Variants in DRAXIN observed in about 807,000 individuals in gnomAD.
The protein encoded by DRAXIN is dorsal repulsive axon guidance protein.
DRAXIN carries 27 observed loss-of-function variants against 33.9 expected under a neutral mutation model. The ratio of observed to expected loss-of-function variants is 0.80; its 90% CI spans 0.59 to 1.10. The LOEUF (loss-of-function observed/expected upper bound fraction) is 1.10. Among genes scored for constraint, DRAXIN ranks in the 50% least tolerant of loss-of-function variants. The pLI, the probability that DRAXIN is intolerant of heterozygous loss-of-function variation, is 0.00. For missense variants in DRAXIN, 371 were observed against 460.8 expected (o/e 0.81, Z 1.78); for synonymous variants, 178 against 194.0 (o/e 0.92, Z 0.69).
intron 6 of DRAXIN, among the ~76,000 whole-genome samples, chr1:11,719,023 C>A (rs1186749159): frequency 6.6e-6 from 1 of 152,138 alleles, no homozygotes; most frequent in African/African-American, 2.4e-5. Flanking sequence ...GCCTCAGCCT[C>A]CCAAGTAACG....
upstream of DRAXIN, among the ~76,000 whole-genome samples, chr1:11,687,957 T>C (rs141102155): frequency 4.7e-4 from 72 of 152,288 alleles, no homozygotes; most frequent in African/African-American, 1.7e-3. The surrounding 1 kb of genome is among the most constrained non-coding windows in gnomAD (Gnocchi z 4.1). Flanking sequence ...ATAAACTGGA[T>C]GGGATAGGAG....
intron 1 of DRAXIN, among the ~76,000 whole-genome samples, chr1:11,702,709 TG>T (rs1641315602): frequency 1.3e-5 from 2 of 151,500 alleles, no homozygotes; most frequent in Non-Finnish European, 2.9e-5. Context: ...TCACACATCC[TG>T]GGGATTTATT....
rs1641667852 is a variant in DRAXIN at position 11,722,233 on chromosome 1, T to C, written c.*2537T>C. The C allele has an allele frequency of 6.6e-6, 1 of 152,270 alleles. No individual in the cohort carries two copies. Among genetic ancestry groups the C allele is most frequent in the Admixed American group, 6.5e-5 (1 of 15,286 alleles). The allele number at this position is 152,270 out of a possible 1,614,324, so 9.4% of individuals were successfully genotyped here. ...CACATTAAGTGGTGACTCGGGACTGTGCTGGCTCTGTGGGGCTAGAACCCT... is the reference window on the plus strand; with the variant it reads ...CACATTAAGTGGTGACTCGGGACTGCGCTGGCTCTGTGGGGCTAGAACCCT... On this transcript the variant is annotated 3_prime_UTR_variant, in exon 7 of 7. Transcript: ENST00000294485.
chr1:11,715,678 C>G (rs945449013), intron 6 of DRAXIN, among the ~76,000 whole-genome samples: 1 of 152,174 alleles, frequency 6.6e-6, no homozygotes, highest in Non-Finnish European at 1.5e-5. Context: ...GCCCAGCTGC[C>G]TCTTCAACTC....
In DRAXIN at chr1:11,719,714, G is replaced by A. The variant is rs1241213647; in HGVS notation, c.*18G>A. ...ACGTCTAGCGGCCCCGCGGGACTGGGGACTGAGCCCAGGAGGTTTGCACAA... is the reference window on the plus strand; with the variant it reads ...ACGTCTAGCGGCCCCGCGGGACTGGAGACTGAGCCCAGGAGGTTTGCACAA... On this transcript the variant is annotated 3_prime_UTR_variant, in exon 7 of 7. Coordinates refer to ENST00000294485, the MANE Select transcript of DRAXIN (RefSeq NM_198545.4). 6.2e-7 allele frequency: 1 copy of A among 1,607,676 alleles called. No homozygotes were observed. The highest frequency in any genetic ancestry group is 8.5e-7 in the Non-Finnish European group (1 of 1,175,062).
In DRAXIN at chr1:11,725,541, A is replaced by G. The variant is rs1024404014; in HGVS notation, c.*5845A>G. 2.0e-5 allele frequency: 3 copies of G among 152,210 alleles called. No individual in the cohort carries two copies. The highest frequency in any genetic ancestry group is 1.5e-5 in the Non-Finnish European group (1 of 68,052). 9.4% of individuals were successfully genotyped at this position (152,210 alleles called of 1,614,324 possible). Reference sequence around the variant, plus strand: ...CATTCGGATAATTCGGGCTATTTGTATTCAGGTGTGAGCTGGCAAATCCGA... The same window carrying G: ...CATTCGGATAATTCGGGCTATTTGTGTTCAGGTGTGAGCTGGCAAATCCGA... On this transcript the variant is annotated 3_prime_UTR_variant, in exon 7 of 7. Transcript: ENST00000294485.
At chr1:11,702,815 T>C (rs1455274437) in intron 1 of DRAXIN, among the ~76,000 whole-genome samples, 2 of 151,578 alleles carry the variant, frequency 1.3e-5, no homozygotes, top group African/African-American at 2.4e-5. Context: ...CAATCTTGGC[T>C]CACTGCAACT....
intron 2 of DRAXIN, among the ~76,000 whole-genome samples, chr1:11,707,078 G>A (rs1641396272): frequency 6.6e-6 from 1 of 152,124 alleles, no homozygotes; most frequent in Non-Finnish European, 1.5e-5. Context: ...GTGGGCGCCT[G>A]TAGTCCCAGC....
intron 5 of DRAXIN, among the ~76,000 whole-genome samples, chr1:11,714,846 T>C (rs1012833207): frequency 6.6e-6 from 1 of 152,222 alleles, no homozygotes; most frequent in Non-Finnish European, 1.5e-5. Flanking sequence ...ACTGGCTCTG[T>C]CTGGGAGGAG....
chr1:11,698,159 T>G (rs1245419186), intron 1 of DRAXIN, among the ~76,000 whole-genome samples: 1 of 152,094 alleles, frequency 6.6e-6, no homozygotes, highest in Non-Finnish European at 1.5e-5. Context: ...AATAGACTCA[T>G]GAAGGGAGGA....
At chr1:11,698,588 C>T (rs1275344690) in intron 1 of DRAXIN, among the ~76,000 whole-genome samples, 2 of 152,212 alleles carry the variant, frequency 1.3e-5, no homozygotes, top group Non-Finnish European at 2.9e-5. Context: ...GCCCGGGACT[C>T]ACGCCTGTAA....
chr1:11,717,197 C>T (rs1641590052), intron 6 of DRAXIN, among the ~76,000 whole-genome samples: 1 of 151,966 alleles, frequency 6.6e-6, no homozygotes, highest in Non-Finnish European at 1.5e-5. Flanking sequence ...GCATGAGAAT[C>T]GCTTGAACCC....
intron 1 of DRAXIN, among the ~76,000 whole-genome samples, chr1:11,693,507 T>C (rs771832686): frequency 1.3e-5 from 2 of 152,132 alleles, no homozygotes; most frequent in Non-Finnish European, 2.9e-5. Context: ...TGAGGGCAAC[T>C]TCAGAAGAGG....
Position 11,715,144 on chromosome 1 carries a change from T to C in DRAXIN, c.873T>C (p.His291=). 2 of 1,614,206 alleles carry C rather than the reference T, an allele frequency of 1.2e-6. No individual in the cohort carries two copies. The highest frequency in any genetic ancestry group is 1.7e-6 in the Non-Finnish European group (2 of 1,180,050). ...GGACTTGCTGCGACCTGCGGGAGCA[T>C]CTCTGCACACCCCACAACCGAGGCC... ...LPGTCCDLRE[H]LCTPHNRGLN... is the part of the protein sequence containing the mutation. Residue 291 remains histidine (H), a synonymous_variant, in exon 6 of 7, where the codon CAT becomes CAC. Transcript: ENST00000294485.
chr1:11,702,362 C>T (rs894311455), intron 1 of DRAXIN, among the ~76,000 whole-genome samples: 4 of 150,430 alleles, frequency 2.7e-5, no homozygotes, highest in Non-Finnish European at 5.9e-5. Context: ...ACAACACACA[C>T]ACCTACACAC....
At chr1:11,719,521 G>C (rs944380109) in intron 6 of DRAXIN, 63 bp from the exon 7 acceptor site, 1 of 1,432,602 alleles carries the variant, frequency 7.0e-7, no homozygotes, top group African/African-American at 1.4e-5. Context: ...GAGCGTGCAG[G>C]GGAAGGAAGG....
rs1012112279 is a variant in DRAXIN at position 11,704,076 on chromosome 1, C to T, written c.-10-2173C>T. 2.0e-5 allele frequency among the ~76,000 whole-genome samples: 3 copies of T among 152,154 alleles called. No homozygotes were observed. The highest frequency in any genetic ancestry group is 4.8e-5 in the African/African-American group (2 of 41,416). The stretch of plus-strand genomic sequence containing the variant: ...GGACAGCAGACTAGCTGAGAAGCTG[C>T]CCACCTCTCTACTGAGCCTCCTCTG... On this transcript the variant is annotated intron_variant, in intron 1 of 6. Coordinates refer to ENST00000294485, the MANE Select transcript of DRAXIN (RefSeq NM_198545.4). The surrounding 1 kb of genome is among the most constrained non-coding windows in gnomAD (Gnocchi z 4.6).
chr1:11,706,963 C>T lies in DRAXIN; in HGVS notation c.451+254C>T, dbSNP rs2100737441. 1.3e-5 allele frequency among the ~76,000 whole-genome samples: 2 copies of T among 152,274 alleles called. No homozygotes were observed. The highest frequency in any genetic ancestry group is 6.8e-3 in the Middle Eastern group (2 of 294). On this transcript the variant is annotated intron_variant, in intron 2 of 6. Transcript: ENST00000294485. This position sits in a 1 kb window ranked among gnomAD's most constrained non-coding sequence, Gnocchi z 5.5. ...GTGCCGTGGCTCACGCTTGTAATCC[C>T]AGCACTTTGGGAGGCCGAGGCGGGC...
chr1:11,706,200 G>A lies in DRAXIN; in HGVS notation c.-10-49G>A. 5.6e-6 allele frequency: 8 copies of A among 1,441,294 alleles called. No homozygotes were observed. The highest frequency in any genetic ancestry group is 4.9e-5 in the East Asian group (2 of 40,504). The allele number at this position is 1,441,294 out of a possible 1,614,324, so 89.3% of individuals were successfully genotyped here. ...GCTTTAATCATTTGAGTGAGGGGCAGCAGAGAGAGGCCTGGGGCTGCGCAT... is the reference window on the plus strand; with the variant it reads ...GCTTTAATCATTTGAGTGAGGGGCAACAGAGAGAGGCCTGGGGCTGCGCAT... On this transcript the variant is annotated intron_variant, in intron 1 of 6. Coordinates refer to ENST00000294485, the MANE Select transcript of DRAXIN (RefSeq NM_198545.4). The surrounding 1 kb of genome is among the most constrained non-coding windows in gnomAD (Gnocchi z 5.5).
Sources: gnomAD v4.1 joint callset for allele counts (sites outside exome capture counted in the v4.1 genomes callset) on GRCh38, gnomAD v4.1.1 for gene constraint, Gnocchi (gnomAD v3.1) non-coding constraint, MANE v1.5 for transcripts, NCBI Gene and HGNC (gene_info 2026-07-23, HGNC 2026-07-21) for gene names.